The following GPC6 variants were observed in gnomAD, a reference collection of about 807,000 sequenced individuals.
GPC6 encodes the protein glypican 6, also known as glypican-6.
In GPC6, 14 loss-of-function variants were observed where a neutral mutation model predicts 55.2. The ratio of observed to expected loss-of-function variants is 0.25; its 90% CI spans 0.17 to 0.40. The LOEUF (loss-of-function observed/expected upper bound fraction) is 0.40, where lower values mean the gene tolerates loss of function less well. Ranked by LOEUF, GPC6 falls within the 10% of genes least tolerant of loss-of-function variation. GPC6 has a pLI of 1.00. For synonymous variants in GPC6, 278 were observed against 259.6 expected (o/e 1.07, Z -0.68); for missense variants, 641 against 708.5 (o/e 0.90, Z 1.08).
chr13:94,050,208 A>G (rs1223577016), intron 4 of GPC6, among the ~76,000 whole-genome samples: 1 of 152,156 alleles, frequency 6.6e-6, no homozygotes. Flanking sequence ...CCATATTCTC[A>G]GCAGCAATTC....
chr13:94,295,722 T>C (rs2139098123), intron 5 of GPC6, among the ~76,000 whole-genome samples: 2 of 152,288 alleles, frequency 1.3e-5, no homozygotes, highest in Admixed American at 1.3e-4. Context: ...TATTCTTACA[T>C]TGAGAGAAAA....
chr13:93,552,629 G>A (rs1875221617), intron 2 of GPC6, among the ~76,000 whole-genome samples: 2 of 152,076 alleles, frequency 1.3e-5, no homozygotes, highest in Non-Finnish European at 2.9e-5. Context: ...ACACCTCAAA[G>A]TAACTTGAAA....
the GPC6 span, among the ~76,000 whole-genome samples, chr13:93,217,044 T>C: frequency 2.6e-5 from 4 of 151,316 alleles, no homozygotes; most frequent in Non-Finnish European, 5.9e-5. Flanking sequence ...CCCGCAAAAA[T>C]GGAAAAAAAA....
At chr13:93,276,483 A>AGTGT (rs1375080330) in intron 1 of GPC6, among the ~76,000 whole-genome samples, 4 of 134,056 alleles carry the variant, frequency 3.0e-5, no homozygotes, top group Admixed American at 1.5e-4. Flanking sequence ...AGAGAGAGAG[A>AGTGT]GAGAGAGAGA....
At chr13:93,628,726 G>C (rs117528807) in intron 2 of GPC6, among the ~76,000 whole-genome samples, 3 of 151,826 alleles carry the variant, frequency 2.0e-5, no homozygotes, top group Non-Finnish European at 4.4e-5. Flanking sequence ...AAGAAGTGTC[G>C]GATTTTGGAT....
At chr13:93,387,133 C>CTTTTT (rs11406368) in intron 1 of GPC6, among the ~76,000 whole-genome samples, 1 of 145,848 alleles carries the variant, frequency 6.9e-6, no homozygotes. Flanking sequence ...TGGTTTCTTT[C>CTTTTT]TTTTTTTTTT....
chr13:94,162,149 T>G (rs1212175174), intron 4 of GPC6, among the ~76,000 whole-genome samples: 1 of 152,086 alleles, frequency 6.6e-6, no homozygotes, highest in Non-Finnish European at 1.5e-5. Context: ...TGAAAGAAAT[T>G]TATTGCCTCT....
intron 2 of GPC6, among the ~76,000 whole-genome samples, chr13:93,700,452 T>C (rs1882629326): frequency 1.3e-5 from 2 of 152,130 alleles, no homozygotes; most frequent in Admixed American, 6.6e-5. Context: ...ACAGAAGCAC[T>C]AACCCTGACC....
At chr13:94,174,132 G>A (rs1888666230) in intron 4 of GPC6, among the ~76,000 whole-genome samples, 1 of 152,144 alleles carries the variant, frequency 6.6e-6, no homozygotes, top group African/African-American at 2.4e-5. Context: ...CAGGGCACAA[G>A]ATTACTAAAT....
At chr13:93,223,019 CTTT>C (rs3073915), upstream of GPC6, among the ~76,000 whole-genome samples, 561 of 100,770 alleles carry the variant, frequency 5.6e-3, 6 homozygotes, top group African/African-American at 0.019. Flanking sequence ...AGGGAAAACA[CTTT>C]TTTTTTTTTT....
intron 4 of GPC6, among the ~76,000 whole-genome samples, chr13:94,177,200 CAACATGTAAGAG>C (rs1888805352): frequency 6.6e-6 from 1 of 152,192 alleles, no homozygotes; most frequent in African/African-American, 2.4e-5. Context: ...TCCCAAATTT[CAACATGTAAGAG>C]AACACGATGT....
chr13:93,872,802 C>G (rs757413030), intron 3 of GPC6, among the ~76,000 whole-genome samples: 3 of 151,990 alleles, frequency 2.0e-5, no homozygotes, highest in Non-Finnish European at 4.4e-5. Context: ...GTCTGTTATT[C>G]TGCCTACCGC....
At chr13:93,360,385 G>A (rs775477412) in intron 1 of GPC6, among the ~76,000 whole-genome samples, 45 of 152,282 alleles carry the variant, frequency 3.0e-4, no homozygotes, top group African/African-American at 1.0e-3. Context: ...TGTCCAGGGC[G>A]TGAGAGTGAA....
In GPC6 at chr13:93,638,552, C is replaced by T. The variant is rs542133361; in HGVS notation, c.319+93131C>T. Among the ~76,000 whole-genome samples the T allele has an allele frequency of 1.3e-3, 201 of 152,160 alleles. 1 individual carries two copies. The highest frequency in any genetic ancestry group is 4.7e-3 in the African/African-American group (196 of 41,544). On this transcript the variant is annotated intron_variant, in intron 2 of 8. Coordinates refer to ENST00000377047, the MANE Select transcript of GPC6 (RefSeq NM_005708.5). The stretch of plus-strand genomic sequence containing the variant: ...GAATAGAATCATCTGTCTGGACATA[C>T]AGCAATAACTCTTTCCAAGGCATAC...
intron 3 of GPC6, among the ~76,000 whole-genome samples, chr13:93,971,073 A>T (rs1245208745): frequency 6.6e-6 from 1 of 152,346 alleles, no homozygotes; most frequent in Non-Finnish European, 1.5e-5. Flanking sequence ...TCAATAATAA[A>T]TTATTCTACA....
At chr13:93,578,435 G>A (rs984828936) in intron 2 of GPC6, among the ~76,000 whole-genome samples, 13 of 151,736 alleles carry the variant, frequency 8.6e-5, no homozygotes, top group African/African-American at 1.9e-4. Context: ...TAGAATTTAC[G>A]TCTAGGAATT....
At chr13:93,456,876 G>A (rs952196034) in intron 1 of GPC6, among the ~76,000 whole-genome samples, 4 of 152,062 alleles carry the variant, frequency 2.6e-5, no homozygotes, top group African/African-American at 4.8e-5. Flanking sequence ...GTCCCCACCC[G>A]AATCTCACCT....
At chr13:94,281,031 G>A (rs1410447619) in intron 4 of GPC6, among the ~76,000 whole-genome samples, 1 of 152,020 alleles carries the variant, frequency 6.6e-6, no homozygotes. Flanking sequence ...CTCCATGAAG[G>A]CAGCACCATG....
At chr13:94,038,250 G>A (rs1283568229) in intron 4 of GPC6, among the ~76,000 whole-genome samples, 1 of 151,828 alleles carries the variant, frequency 6.6e-6, no homozygotes, top group Non-Finnish European at 1.5e-5. Flanking sequence ...GTATTGGACA[G>A]GCAGGCTTAG....
Sources: gnomAD v4.1 joint callset for allele counts (sites outside exome capture counted in the v4.1 genomes callset) on GRCh38, gnomAD v4.1.1 for gene constraint, MANE v1.5 for transcripts, NCBI Gene and HGNC (gene_info 2026-07-23, HGNC 2026-07-21) for gene names.